ARHGAP10: variants seen among roughly 807,000 people sequenced by gnomAD.
ARHGAP10 encodes the protein Rho GTPase activating protein 10.
In ARHGAP10, 87 loss-of-function variants were observed where a neutral mutation model predicts 108.6. That is an observed-to-expected ratio of 0.80 (90% CI 0.67 to 0.96). The LOEUF is 0.96. Among genes scored for constraint, ARHGAP10 ranks in the 40% least tolerant of loss-of-function variants. ARHGAP10 has a pLI of 0.00. For synonymous variants in ARHGAP10, 347 were observed against 341.1 expected, an observed-to-expected ratio of 1.02 and a Z score of -0.19; for missense variants, 939 against 954.5, an observed-to-expected ratio of 0.98 and a Z score of 0.21.
At chr4:147,874,904 TA>T (rs1337437878) in intron 7 of ARHGAP10, 116 bp from the exon 8 acceptor site, 106 of 1,145,958 alleles carry the variant, frequency 9.2e-5, no homozygotes, top group African/African-American at 1.9e-4. Flanking sequence ...GAGAAATTTA[TA>T]AAAAAGTTAT....
chr4:147,951,702 C>T (rs1738608354), intron 15 of ARHGAP10, among the ~76,000 whole-genome samples: 1 of 151,984 alleles, frequency 6.6e-6, no homozygotes, highest in Admixed American at 6.6e-5. Context: ...ATCCTCCCAC[C>T]TTGGCCTCCC....
At chr4:148,042,845 G>T (rs1728692602) in intron 19 of ARHGAP10, among the ~76,000 whole-genome samples, 1 of 152,188 alleles carries the variant, frequency 6.6e-6, no homozygotes, top group Non-Finnish European at 1.5e-5. Context: ...CTCAAAACGG[G>T]AGAGGATGAG....
rs186953205 is a variant in ARHGAP10, at chr4:147,942,219, T to A, written c.1303+2320T>A. 5.1e-4 allele frequency among the ~76,000 whole-genome samples: 78 copies of A among 152,362 alleles called. 1 individual carries two copies. The highest frequency in any genetic ancestry group is 1.8e-3 in the African/African-American group (74 of 41,598). On this transcript the variant is annotated intron_variant, in intron 14 of 22. Coordinates refer to ENST00000336498, the MANE Select transcript of ARHGAP10 (RefSeq NM_024605.4). ...GAATTTTTTCAAGGAACATTTTGTT[T>A]GTAATGCATTGTCTTTGTAGAAATG...
At chr4:147,964,920 G>A (rs2126996596) in intron 16 of ARHGAP10, 104 bp from the exon 17 acceptor site, 1 of 725,606 alleles carries the variant, frequency 1.4e-6, no homozygotes, top group Non-Finnish European at 2.1e-6. Context: ...GAACAGAGGA[G>A]CTGTTGTCAT....
chr4:148,001,126 T>G (rs1336695697), intron 18 of ARHGAP10, among the ~76,000 whole-genome samples: 7 of 152,270 alleles, frequency 4.6e-5, no homozygotes, highest in African/African-American at 1.7e-4. Flanking sequence ...TTCAGCTTCC[T>G]ACATATGGCT....
chr4:147,854,853 T>A, intron 4 of ARHGAP10: 1 of 985,402 alleles, frequency 1.0e-6, no homozygotes, highest in Non-Finnish European at 1.2e-6. Context: ...GTGGGTGTGA[T>A]GTTGTTATTG....
chr4:147,762,269 A>G (rs148177029), intron 1 of ARHGAP10, among the ~76,000 whole-genome samples: 1 of 152,200 alleles, frequency 6.6e-6, no homozygotes, highest in East Asian at 1.9e-4. Context: ...CAGCCTCTCA[A>G]AGTGCTGGGA....
At chr4:147,857,007 C>A (rs1734116364) in intron 4 of ARHGAP10, among the ~76,000 whole-genome samples, 1 of 152,106 alleles carries the variant, frequency 6.6e-6, no homozygotes, top group Non-Finnish European at 1.5e-5. Flanking sequence ...TGTGTGCCAC[C>A]ACACCCTGCT....
chr4:147,960,204 T>G (rs190923630), intron 16 of ARHGAP10, among the ~76,000 whole-genome samples: 239 of 152,364 alleles, frequency 1.6e-3, no homozygotes, highest in African/African-American at 5.1e-3. Context: ...TGTGTTTTTG[T>G]TTCTGGTGAT....
chr4:147,961,603 C>G (rs1468886372), intron 16 of ARHGAP10, among the ~76,000 whole-genome samples: 3 of 152,118 alleles, frequency 2.0e-5, no homozygotes, highest in Admixed American at 6.5e-5. Flanking sequence ...TGCTTTACCT[C>G]TCTTTCCCAT....
At chr4:147,921,228 G>A (rs962334315) in intron 13 of ARHGAP10, among the ~76,000 whole-genome samples, 1 of 152,162 alleles carries the variant, frequency 6.6e-6, no homozygotes, top group African/African-American at 2.4e-5. Context: ...AATTCTGCAA[G>A]GAATTTTACC....
In ARHGAP10 at chr4:147,873,676, A is replaced by C. The variant is rs1345641576; in HGVS notation, c.703-1345A>C. ...CCCCTGTCTCTACAAAAAAACAAAA[A>C]ACAAAACACACACACACACACACAC... On this transcript the variant is annotated intron_variant, in intron 7 of 22. Transcript: ENST00000336498. Among the ~76,000 whole-genome samples, 5 of 137,266 alleles carry C rather than the reference A, an allele frequency of 3.6e-5. No individual in the cohort carries two copies. The East Asian group carries it at 8.4e-4, about 23-fold the overall frequency. The allele number at this position is 137,266 out of a possible 152,430, so 90.1% of individuals were successfully genotyped here.
At chr4:147,767,550 A>G (rs747299303) in intron 1 of ARHGAP10, among the ~76,000 whole-genome samples, 7 of 152,116 alleles carry the variant, frequency 4.6e-5, no homozygotes, top group Non-Finnish European at 2.9e-5. Context: ...ATATTAAAAG[A>G]TTATCAAGAA....
intron 18 of ARHGAP10, among the ~76,000 whole-genome samples, chr4:147,986,143 T>C (rs1173599864): frequency 6.6e-6 from 1 of 152,228 alleles, no homozygotes; most frequent in Non-Finnish European, 1.5e-5. Context: ...TTTGAGGGAC[T>C]TAAGTGACCG....
chr4:147,936,911 T>A (rs982616153), intron 13 of ARHGAP10, among the ~76,000 whole-genome samples: 5 of 152,206 alleles, frequency 3.3e-5, no homozygotes, highest in African/African-American at 1.2e-4. Flanking sequence ...GCAAGCCTTA[T>A]GGCCTCAGCT....
intron 10 of ARHGAP10, among the ~76,000 whole-genome samples, chr4:147,882,218 T>C (rs776306227): frequency 2.6e-5 from 4 of 152,046 alleles, no homozygotes; most frequent in African/African-American, 4.8e-5. Context: ...ATCCCAGCAC[T>C]TTGGGAGGCC....
At chr4:148,067,006 G>A (rs902325279) in intron 22 of ARHGAP10, among the ~76,000 whole-genome samples, 2 of 152,176 alleles carry the variant, frequency 1.3e-5, no homozygotes, top group Non-Finnish European at 2.9e-5. Context: ...GACTTTGCTG[G>A]CTGGGGCACC....
At chr4:147,785,653 A>G (rs1444310103) in intron 1 of ARHGAP10, among the ~76,000 whole-genome samples, 2 of 152,148 alleles carry the variant, frequency 1.3e-5, no homozygotes, top group Non-Finnish European at 2.9e-5. Context: ...TTTTCTTAAA[A>G]TGAAAATACT....
rs1560822641 is a variant in ARHGAP10, at chr4:147,911,993, A to ATATG, written c.1163-1081_1163-1080insTATG. Among the ~76,000 whole-genome samples, 456 of 108,684 alleles carry ATATG rather than the reference A, an allele frequency of 4.2e-3. 7 individuals carry two copies. Among genetic ancestry groups the ATATG allele is most frequent in the African/African-American group, 0.016 (371 of 23,220 alleles). The allele number at this position is 108,684 out of a possible 152,430, so 71.3% of individuals were successfully genotyped here. On this transcript the variant is annotated intron_variant, in intron 12 of 22. Coordinates refer to ENST00000336498, the MANE Select transcript of ARHGAP10 (RefSeq NM_024605.4). ...ATTCTCAAGTAATTTAAGAACATTC[A>ATATG]CGTGTGTGTGTGTGTGTGTGTGTGT...
Sources: allele counts gnomAD v4.1 joint callset (sites outside exome capture counted in the v4.1 genomes callset), GRCh38; gene constraint gnomAD v4.1.1; transcripts MANE v1.5; gene names NCBI Gene and HGNC (gene_info 2026-07-23, HGNC 2026-07-21).